Variants in MEGF11 observed in about 807,000 individuals in gnomAD.
The protein encoded by MEGF11 is multiple EGF like domains 11.
A neutral mutation model predicts 146.6 loss-of-function variants in MEGF11; 126 were observed. The observed-to-expected ratio is 0.86, with a 90% CI of 0.74 to 1.00. The LOEUF is 1.00. MEGF11 is among the 50% of genes least tolerant of loss of function. MEGF11 has a pLI of 0.00. For missense variants in MEGF11, 1,509 were observed against 1,521.2 expected, an observed-to-expected ratio of 0.99 and a Z score of 0.13; for synonymous variants, 532 against 583.4, an observed-to-expected ratio of 0.91 and a Z score of 1.27.
chr15:66,115,831 G>T (rs2140891698), intron 4 of MEGF11, among the ~76,000 whole-genome samples: 1 of 152,352 alleles, frequency 6.6e-6, no homozygotes, highest in South Asian at 2.1e-4. Flanking sequence ...TGCCGTTGCA[G>T]CCAGGAAACT....
At chr15:66,065,678 C>G (rs1046959240) in intron 5 of MEGF11, among the ~76,000 whole-genome samples, 33 of 152,210 alleles carry the variant, frequency 2.2e-4, no homozygotes, top group African/African-American at 7.5e-4. Flanking sequence ...GCTTAATGGC[C>G]TCCTGCGGCT....
intron 1 of MEGF11, among the ~76,000 whole-genome samples, chr15:66,185,240 G>GCC (rs1167257986): frequency 1.3e-5 from 2 of 151,986 alleles, no homozygotes; most frequent in Non-Finnish European, 2.9e-5. Flanking sequence ...ACCCTGCACT[G>GCC]CCCCGCCAGC....
At chr15:66,192,343 A>G (rs2090904640) in intron 1 of MEGF11, among the ~76,000 whole-genome samples, 1 of 151,328 alleles carries the variant, frequency 6.6e-6, no homozygotes, top group East Asian at 2.0e-4. Context: ...GATGTTGTGC[A>G]CCTATAATCC....
intron 1 of MEGF11, among the ~76,000 whole-genome samples, chr15:66,202,382 C>T (rs931765772): frequency 2.6e-5 from 4 of 152,162 alleles, no homozygotes; most frequent in Non-Finnish European, 4.4e-5. Flanking sequence ...CCGTGGTGAG[C>T]GGGCATGACG....
intron 5 of MEGF11, among the ~76,000 whole-genome samples, chr15:65,995,792 G>A (rs1022913942): frequency 6.6e-6 from 1 of 152,184 alleles, no homozygotes; most frequent in Non-Finnish European, 1.5e-5. Context: ...GGCAGAGCAG[G>A]GTGCCCACCA....
At chr15:66,186,210 C>A (rs573587511) in intron 1 of MEGF11, among the ~76,000 whole-genome samples, 1 of 152,332 alleles carries the variant, frequency 6.6e-6, no homozygotes, top group African/African-American at 2.4e-5. Flanking sequence ...CATAGACCCT[C>A]CGGGAAGCAG....
intron 10 of MEGF11, among the ~76,000 whole-genome samples, chr15:65,956,110 C>T (rs1337757850): frequency 6.6e-6 from 1 of 152,086 alleles, no homozygotes; most frequent in Non-Finnish European, 1.5e-5. Flanking sequence ...CCAGACCATG[C>T]CTAGACCAAA....
At chr15:66,156,768 C>T (rs1260163625) in intron 1 of MEGF11, among the ~76,000 whole-genome samples, 5 of 152,196 alleles carry the variant, frequency 3.3e-5, no homozygotes, top group African/African-American at 1.2e-4. Flanking sequence ...TCTGGGTGGA[C>T]CTATACCACC....
chr15:66,119,976 T>C (rs572990688), intron 3 of MEGF11, among the ~76,000 whole-genome samples: 2 of 152,290 alleles, frequency 1.3e-5, no homozygotes, highest in East Asian at 3.9e-4. Context: ...TTCTTTCTCT[T>C]TTAGAGCTTT....
At chr15:65,915,641 C>CCA in intron 18 of MEGF11, 43 bp from the exon 19 acceptor site, 1 of 1,599,490 alleles carries the variant, frequency 6.3e-7, no homozygotes, top group Non-Finnish European at 8.5e-7. Context: ...CACTCACTCT[C>CCA]CACCCCTCCC....
At chr15:66,153,428 C>G (rs1020303596) in intron 1 of MEGF11, among the ~76,000 whole-genome samples, 5 of 152,090 alleles carry the variant, frequency 3.3e-5, no homozygotes, top group African/African-American at 9.7e-5. Flanking sequence ...CAAAAATTAG[C>G]CGGGCATGGT....
intron 24 of MEGF11, among the ~76,000 whole-genome samples, chr15:65,903,185 T>G (rs910764393): frequency 1.3e-5 from 2 of 152,192 alleles, no homozygotes; most frequent in African/African-American, 4.8e-5. Flanking sequence ...AGCCCAAGTT[T>G]ACGCAAAGAC....
intron 4 of MEGF11, among the ~76,000 whole-genome samples, chr15:66,108,166 G>A (rs549194920): frequency 2.0e-5 from 3 of 152,246 alleles, no homozygotes; most frequent in Admixed American, 6.5e-5. Flanking sequence ...GTGAGGTAAC[G>A]GGACGTTGAG....
intron 5 of MEGF11, among the ~76,000 whole-genome samples, chr15:66,058,002 A>G (rs1331739870): frequency 6.6e-6 from 1 of 152,248 alleles, no homozygotes; most frequent in African/African-American, 2.4e-5. Context: ...TTTAGAAATG[A>G]CATGGGGAAC....
intron 20 of MEGF11, chr15:65,913,536 G>C: frequency 1.6e-6 from 1 of 608,348 alleles, no homozygotes; most frequent in Non-Finnish European, 2.9e-6. Flanking sequence ...GCTGCTCAGA[G>C]CTAGGGACTC....
intron 1 of MEGF11, among the ~76,000 whole-genome samples, chr15:66,199,910 A>AAAAATAAAATAAAATAAAAT (rs59958390): frequency 6.6e-6 from 1 of 151,202 alleles, no homozygotes; most frequent in African/African-American, 2.4e-5. Context: ...GGGGTTTGGC[A>AAAAATAAAATAAAATAAAAT]AAAATAAAAT....
chr15:65,954,419 C>G (rs1279372796), intron 10 of MEGF11, among the ~76,000 whole-genome samples: 1 of 152,162 alleles, frequency 6.6e-6, no homozygotes. Flanking sequence ...ATGGCTTCCC[C>G]CTCAGGGCTT....
intron 1 of MEGF11, among the ~76,000 whole-genome samples, chr15:66,164,094 G>C (rs1443980753): frequency 6.6e-6 from 1 of 152,146 alleles, no homozygotes; most frequent in Non-Finnish European, 1.5e-5. Flanking sequence ...GGATTTGCAG[G>C]GGTGGGGTGG....
intron 5 of MEGF11, among the ~76,000 whole-genome samples, chr15:66,020,095 T>A (rs983962978): frequency 8.5e-5 from 13 of 152,232 alleles, no homozygotes; most frequent in African/African-American, 2.7e-4. Flanking sequence ...TAGGTGGTCC[T>A]GTAGGAGGTT....
Sources: gnomAD v4.1 joint callset for allele counts (sites outside exome capture counted in the v4.1 genomes callset) on GRCh38, gnomAD v4.1.1 for gene constraint, MANE v1.5 for transcripts, NCBI Gene and HGNC (gene_info 2026-07-23, HGNC 2026-07-21) for gene names.